Variants in CDH23 observed in about 807,000 individuals in gnomAD.
CDH23 encodes cadherin related 23.
Under a neutral mutation model 317.1 loss-of-function variants are expected in CDH23, and 189 were observed. That is an observed-to-expected ratio of 0.60 (90% confidence interval 0.53 to 0.67). The LOEUF is 0.67. CDH23 is among the 30% of genes least tolerant of loss of function. The pLI, the probability that CDH23 is intolerant of heterozygous loss-of-function variation, is 0.00. For synonymous variants in CDH23, 1,839 were observed against 1,876.8 expected, an observed-to-expected ratio of 0.98 and a Z score of 0.52; for missense variants, 4,401 against 4,592.4, an observed-to-expected ratio of 0.96 and a Z score of 1.20.
intron 11 of CDH23, among the ~76,000 whole-genome samples, chr10:71,622,695 T>C (rs1861527245): frequency 6.6e-6 from 1 of 152,256 alleles, no homozygotes; most frequent in Non-Finnish European, 1.5e-5. Context: ...CATTTGCGGA[T>C]GTCCTGCCTT....
At chr10:71,413,165 G>A (rs568791588) in intron 1 of CDH23, among the ~76,000 whole-genome samples, 4 of 152,250 alleles carry the variant, frequency 2.6e-5, no homozygotes, top group South Asian at 4.1e-4. Flanking sequence ...TATGGTATAA[G>A]ATTAGAGTCC....
chr10:71,629,967 A>T (rs1861924904), intron 11 of CDH23, among the ~76,000 whole-genome samples: 1 of 152,182 alleles, frequency 6.6e-6, no homozygotes, highest in South Asian at 2.1e-4. Flanking sequence ...AAATGGTTAA[A>T]ATGATGACCT....
intron 3 of CDH23, among the ~76,000 whole-genome samples, chr10:71,489,594 G>GGTGTGTGTGTGTGTGTGT (rs34392048): frequency 1.4e-5 from 2 of 139,802 alleles, no homozygotes; most frequent in Admixed American, 7.2e-5. Context: ...AGTGCCTCGG[G>GGTGTGTGTGTGTGTGTGT]GTGTGTGTGT....
intron 6 of CDH23, among the ~76,000 whole-genome samples, chr10:71,535,360 C>T (rs1292759167): frequency 6.6e-6 from 1 of 152,202 alleles, no homozygotes; most frequent in East Asian, 1.9e-4. Context: ...GCCCCTCCTG[C>T]CTTTCCCAGC....
At position 71,606,861 on chromosome 10, in the gene CDH23, T is replaced by C. The variant is rs572226420; in HGVS notation, c.833-8643T>C. 2.6e-5 allele frequency among the ~76,000 whole-genome samples: 4 copies of C among 152,118 alleles called. No individual in the cohort carries two copies. In the East Asian group the frequency reaches 7.8e-4, roughly 29 times the overall value. ...GAGGCTCCAGGCAGCTTGGGAAGCT[T>C]TGGGGAGGGGCGGTCTTCCCCCACC... On this transcript the variant is annotated intron_variant, in intron 9 of 69. Coordinates refer to ENST00000224721, the MANE Select transcript of CDH23 (RefSeq NM_022124.6).
intron 1 of CDH23, among the ~76,000 whole-genome samples, chr10:71,431,155 G>A (rs1564575292): frequency 1.3e-5 from 2 of 152,138 alleles, no homozygotes; most frequent in Admixed American, 6.5e-5. Context: ...TACTACGTCC[G>A]TACACTGCTC....
At chr10:71,582,287 G>A (rs996807932) in intron 9 of CDH23, among the ~76,000 whole-genome samples, 2 of 152,302 alleles carry the variant, frequency 1.3e-5, no homozygotes, top group Admixed American at 1.3e-4. Flanking sequence ...GGCACTTGAA[G>A]TGCGGCTAGT....
At position 71,422,924 on chromosome 10, in the gene CDH23, G is replaced by A. The variant is rs574466268; in HGVS notation, c.-5-16903G>A. 2.9e-4 allele frequency among the ~76,000 whole-genome samples: 44 copies of A among 152,294 alleles called. 1 individual carries two copies. Among genetic ancestry groups the A allele is most frequent in the African/African-American group, 1.1e-3 (44 of 41,556 alleles). On this transcript the variant is annotated intron_variant, in intron 1 of 69. Coordinates refer to ENST00000224721, the MANE Select transcript of CDH23 (RefSeq NM_022124.6). ...TCACTGGGGGAGGGCAGAGCAGAGG[G>A]GCAAAGCCTTTGGAATTCTTGAGAG...
chr10:71,760,278 T>C (rs1840339242), intron 38 of CDH23, among the ~76,000 whole-genome samples: 1 of 100,958 alleles, frequency 9.9e-6, no homozygotes, highest in Non-Finnish European at 2.3e-5. Context: ...CATATATATG[T>C]ATGTATATAT....
At chr10:71,514,031 AATAAGACTGCC>A (rs1240214187) in intron 6 of CDH23, among the ~76,000 whole-genome samples, 1 of 151,938 alleles carries the variant, frequency 6.6e-6, no homozygotes, top group Non-Finnish European at 1.5e-5. Flanking sequence ...GCTTCCTAAT[AATAAGACTGCC>A]CACACACACC....
In CDH23 at chr10:71,803,382, G is replaced by A. The variant is rs1274482381; in HGVS notation, c.7834G>A (p.Val2612Met). ...IDVNDNRPVF[V>M]RPPNGTILHI... ...CGTCAATGACAACCGCCCTGTCTTT[G>A]TGCGCCCACCCAACGGCACCATCCT... The change falls in exon 55 of 70, where the codon GTG becomes ATG. Residue 2612 changes from valine to methionine, a missense_variant. Coordinates refer to ENST00000224721, the MANE Select transcript of CDH23 (RefSeq NM_022124.6). The A allele has an allele frequency of 6.9e-6, 11 of 1,599,944 alleles. No individual in the cohort carries two copies. Among genetic ancestry groups the A allele is most frequent in the African/African-American group, 1.3e-5 (1 of 74,414 alleles).
chr10:71,812,436 C>G (rs771610521), intron 66 of CDH23, 44 bp from the exon 67 acceptor site: 2 of 1,611,326 alleles, frequency 1.2e-6, no homozygotes, highest in South Asian at 1.1e-5. Flanking sequence ...CCTGTCTACT[C>G]GAGCCTTCCC....
chr10:71,507,060 C>CA (rs1454674951), intron 3 of CDH23, among the ~76,000 whole-genome samples: 3 of 152,136 alleles, frequency 2.0e-5, no homozygotes, highest in Non-Finnish European at 2.9e-5. Context: ...GCTGGAAGGC[C>CA]AGGGTGGTCT....
chr10:71,501,682 A>G (rs955547754), intron 3 of CDH23, among the ~76,000 whole-genome samples: 1 of 152,182 alleles, frequency 6.6e-6, no homozygotes, highest in African/African-American at 2.4e-5. Flanking sequence ...AAATGAGATT[A>G]TCCCCAGGAA....
At chr10:71,812,202 C>G in intron 66 of CDH23, 187 bp downstream of exon 66, 4 of 1,586,334 alleles carry the variant, frequency 2.5e-6, no homozygotes, top group Non-Finnish European at 3.4e-6. Context: ...AGGGGCTCTC[C>G]ACCCCAGTGG....
chr10:71,599,960 ATAGTC>A (rs1043982439), intron 9 of CDH23, among the ~76,000 whole-genome samples: 8 of 150,512 alleles, frequency 5.3e-5, no homozygotes, highest in African/African-American at 2.0e-4. Context: ...AACTGTGGGA[ATAGTC>A]CCATTTACAC....
In CDH23 at chr10:71,403,326, CCTTTCTTTCTTTCTTTCTTTCTTT is replaced by C. The variant is rs201389920; in HGVS notation, c.-6+6067_-6+6090del. 8.7e-3 allele frequency among the ~76,000 whole-genome samples: 526 copies of C among 60,636 alleles called. 6 individuals carry two copies. Among genetic ancestry groups the C allele is most frequent in the Middle Eastern group, 0.012 (2 of 168 alleles). 39.8% of individuals were successfully genotyped at this position (60,636 alleles called of 152,430 possible). A position where few individuals can be genotyped will look rare whatever the true frequency, so the allele number is the denominator to read the frequency against. On this transcript the variant is annotated intron_variant, in intron 1 of 69. Transcript: ENST00000224721. ...TTCTCTTTCTCTTTCTTCCTTCCTTCCTTTCTTTCTTTCTTTCTTTCTTTCTTTCTTTCTTTCTTTCTTTCTTTC... is the reference window on the plus strand; with the variant it reads ...TTCTCTTTCTCTTTCTTCCTTCCTTCCTTTCTTTCTTTCTTTCTTTCTTTC...
chr10:71,609,379 C>A (rs891165613), intron 9 of CDH23, among the ~76,000 whole-genome samples: 29 of 152,050 alleles, frequency 1.9e-4, no homozygotes, highest in African/African-American at 6.8e-4. Context: ...AGCTGCCACT[C>A]AGCCTCTTGC....
chr10:71,579,445 G>A (rs1033587706), intron 9 of CDH23, among the ~76,000 whole-genome samples: 1 of 152,128 alleles, frequency 6.6e-6, no homozygotes, highest in African/African-American at 2.4e-5. Context: ...CGTAAACCCC[G>A]ATATGTACTT....
Sources: allele counts gnomAD v4.1 joint callset (sites outside exome capture counted in the v4.1 genomes callset), GRCh38; gene constraint gnomAD v4.1.1; transcripts MANE v1.5; gene names NCBI Gene and HGNC (gene_info 2026-07-23, HGNC 2026-07-21).